The following RTN4 variants were observed in gnomAD, a reference collection of about 807,000 sequenced individuals.
RTN4 encodes reticulon-4.
In RTN4, 32 loss-of-function variants were observed where a neutral mutation model predicts 90.4. The ratio of observed to expected loss-of-function variants is 0.35; its 90% confidence interval spans 0.27 to 0.48. RTN4 has a LOEUF of 0.48. Among genes scored for constraint, RTN4 ranks in the 20% least tolerant of loss-of-function variants. The pLI is 0.99. For missense variants in RTN4, 1,706 were observed against 1,430.2 expected (o/e 1.19, Z -3.11); for synonymous variants, 629 against 552.5 (o/e 1.14, Z -1.94).
At chr2:55,135,206 TG>T in the RTN4 span, among the ~76,000 whole-genome samples, 48 of 110,132 alleles carry the variant, frequency 4.4e-4, no homozygotes, top group East Asian at 1.6e-3. Flanking sequence ...TTTGTTTTTT[TG>T]GTTTTTTTTT....
At chr2:55,131,606 G>A in the RTN4 span, among the ~76,000 whole-genome samples, 1 of 152,192 alleles carries the variant, frequency 6.6e-6, no homozygotes, top group Non-Finnish European at 1.5e-5. Context: ...AACATTGGCA[G>A]GGCACGGTGG....
At chr2:55,039,991 T>A (rs963464831) in intron 1 of RTN4, among the ~76,000 whole-genome samples, 1 of 152,164 alleles carries the variant, frequency 6.6e-6, no homozygotes, top group Non-Finnish European at 1.5e-5. Context: ...GTAAGTTTGG[T>A]TGATGAGAGA....
chr2:54,982,634 C>T lies in RTN4; in HGVS notation c.3241G>A (p.Val1081Ile), dbSNP rs1281133508. 1.2e-6 allele frequency: 2 copies of T among 1,609,124 alleles called. No individual in the cohort carries two copies. The highest frequency in any genetic ancestry group is 8.5e-7 in the Non-Finnish European group (1 of 1,177,938). ...HPFRAYLESE[V>I]AISEELVQKY... ...TGAACCAACTCCTCAGATATAGCAA[C>T]TTCAGATTCCAGATATGCCCTAGAA... is the stretch of plus-strand genomic sequence containing the variant. The change falls in exon 5 of 9, where the codon GTT becomes ATT. Residue 1081 changes from valine (V) to isoleucine (I), a missense_variant. Val to Ile is a conservative substitution (Grantham distance 29, BLOSUM62 3). Coordinates refer to ENST00000337526, the MANE Select transcript of RTN4 (RefSeq NM_020532.5).
At chr2:55,070,878 G>A (rs1438901768) in intron 2 of RTN4, among the ~76,000 whole-genome samples, 1 of 151,762 alleles carries the variant, frequency 6.6e-6, no homozygotes, top group Admixed American at 6.6e-5. Context: ...CCGGGTTCAC[G>A]CCATTCTCCT....
chr2:55,080,654 G>C (rs919205926), intron 1 of RTN4: 2 of 152,084 alleles, frequency 1.3e-5, no homozygotes, highest in Non-Finnish European at 2.9e-5. Context: ...TGAAAGAAAA[G>C]GGTAGGAAAA....
rs547056751 is a variant in RTN4, at chr2:55,016,505, C to G, written c.3013+8581G>C. On this transcript the variant is annotated intron_variant, in intron 3 of 8. Transcript: ENST00000337526. ...GGCTGAGGCACGAGAATCGCTTGAA[C>G]CCAGGAGGCAGAGGTTGCAGTGAGT... Among the ~76,000 whole-genome samples the G allele has an allele frequency of 3.3e-4, 51 of 152,246 alleles. 1 individual carries two copies. Among genetic ancestry groups the G allele is most frequent in the Admixed American group, 2.9e-3 (45 of 15,296 alleles).
Position 55,026,710 on chromosome 2 carries a change from T to C in RTN4, c.1389A>G (p.Thr463=), listed in dbSNP as rs1452331388. ...TTGCTGCTGGGTTAAAGGGAGCACA[T>C]GTGATATATGCTCCTGAACGATCCT... ...GIKDRSGAYI[T]CAPFNPAATE... is the part of the protein sequence containing the mutation. The change falls in exon 3 of 9, where the codon ACA becomes ACG. Residue 463 remains threonine (T), a synonymous_variant. Transcript: ENST00000337526. The C allele has an allele frequency of 6.2e-7, 1 of 1,613,862 alleles. No homozygotes were observed. Among genetic ancestry groups the C allele is most frequent in the Non-Finnish European group, 8.5e-7 (1 of 1,179,902 alleles).
rs539587751 is a variant in RTN4 at position 55,025,408 on chromosome 2, T to C, written c.2691A>G (p.Lys897=). 6.2e-7 allele frequency: 1 copy of C among 1,613,908 alleles called. No individual in the cohort carries two copies. Among genetic ancestry groups the C allele is most frequent in the Admixed American group, 1.7e-5 (1 of 59,956 alleles). The change falls in exon 3 of 9, where the codon AAA becomes AAG. Residue 897 remains lysine, a synonymous_variant. Coordinates refer to ENST00000337526, the MANE Select transcript of RTN4 (RefSeq NM_020532.5). ...REYTDLEVSH[K]SEIANAPDGA... is the part of the protein sequence containing the mutation. ...CATCCGGGGCATTAGCAATTTCACTTTTGTGGGATACTTCTAGGTCAGTAT... is the reference window on the plus strand; with the variant it reads ...CATCCGGGGCATTAGCAATTTCACTCTTGTGGGATACTTCTAGGTCAGTAT...
rs112785682 is a variant in RTN4, at chr2:54,972,363, A to C, written c.*793T>G. ...CAAACAACATTTTTGGAAGCATTAGATTCAGTCCATAGATTCTGTGACAAA... is the reference window on the plus strand; with the variant it reads ...CAAACAACATTTTTGGAAGCATTAGCTTCAGTCCATAGATTCTGTGACAAA... On this transcript the variant is annotated 3_prime_UTR_variant, in exon 9 of 9. Transcript: ENST00000337526. 1.3e-5 allele frequency: 2 copies of C among 152,686 alleles called. No homozygotes were observed. The highest frequency in any genetic ancestry group is 3.8e-4 in the East Asian group (2 of 5,208). The allele number at this position is 152,686 out of a possible 1,614,324, so 9.5% of individuals were successfully genotyped here. A position where few individuals can be genotyped will look rare whatever the true frequency, so the allele number is the denominator to read the frequency against.
intron 1 of RTN4, among the ~76,000 whole-genome samples, chr2:55,110,238 G>A (rs1443663271): frequency 6.6e-6 from 1 of 151,526 alleles, no homozygotes; most frequent in Non-Finnish European, 1.5e-5. Context: ...TTGAGCCTGG[G>A]AGGCAGAGGT....
the RTN4 span, among the ~76,000 whole-genome samples, chr2:55,128,223 T>C: frequency 1.6e-4 from 25 of 152,238 alleles, no homozygotes; most frequent in South Asian, 5.0e-3. Flanking sequence ...GTTACACTTA[T>C]CTGCATTGTT....
intron 2 of RTN4, among the ~76,000 whole-genome samples, chr2:55,071,498 A>C (rs980380713): frequency 6.7e-6 from 1 of 149,778 alleles, no homozygotes; most frequent in African/African-American, 2.5e-5. Context: ...ACTTCTAACT[A>C]CATAGAATTT....
In RTN4 at chr2:55,041,242, T is replaced by C. The variant is rs147386367; in HGVS notation, c.556+8503A>G. Among the ~76,000 whole-genome samples, 593 of 152,248 alleles carry C rather than the reference T, an allele frequency of 3.9e-3. 2 individuals carry two copies. The highest frequency in any genetic ancestry group is 0.013 in the African/African-American group (543 of 41,564). On this transcript the variant is annotated intron_variant, in intron 1 of 8. Coordinates refer to ENST00000337526, the MANE Select transcript of RTN4 (RefSeq NM_020532.5). ...GTCTCTAGTTCACCTAATTATATGCTAAATTTTTTTTAAATACATGTTAAT... is the reference window on the plus strand; with the variant it reads ...GTCTCTAGTTCACCTAATTATATGCCAAATTTTTTTTAAATACATGTTAAT...
chr2:55,007,526 T>C (rs1680317243), intron 3 of RTN4, among the ~76,000 whole-genome samples: 2 of 152,044 alleles, frequency 1.3e-5, no homozygotes, highest in African/African-American at 2.4e-5. Context: ...AGCACGCAAA[T>C]GAGGAAATTA....
intron 5 of RTN4, 94 bp downstream of exon 5, chr2:54,982,421 C>A: frequency 1.9e-6 from 2 of 1,038,778 alleles, no homozygotes; most frequent in Non-Finnish European, 2.8e-6. Context: ...TAATATTTAT[C>A]ATTTACTTGA....
At chr2:55,116,089 G>GTTTTTT (rs1558886323), upstream of RTN4, among the ~76,000 whole-genome samples, 2 of 81,276 alleles carry the variant, frequency 2.5e-5, no homozygotes, top group Non-Finnish European at 5.0e-5. Flanking sequence ...ATGGGGACTA[G>GTTTTTT]TCTTTTTTTT....
At chr2:55,070,562 A>G (rs1237149292) in intron 2 of RTN4, among the ~76,000 whole-genome samples, 3 of 151,106 alleles carry the variant, frequency 2.0e-5, no homozygotes, top group African/African-American at 7.3e-5. Context: ...AAAAAAAAAA[A>G]AAAAGAAAGA....
chr2:55,102,618 C>T (rs1401753164), intron 1 of RTN4, among the ~76,000 whole-genome samples: 1 of 151,994 alleles, frequency 6.6e-6, no homozygotes, highest in East Asian at 1.9e-4. Context: ...TGACACATGG[C>T]CAACTGCCAG....
intron 3 of RTN4, among the ~76,000 whole-genome samples, chr2:55,011,163 G>T (rs1680600265): frequency 6.6e-6 from 1 of 152,010 alleles, no homozygotes; most frequent in African/African-American, 2.4e-5. Flanking sequence ...GTCACCACAG[G>T]CATGTGCCAC....
Sources: gnomAD v4.1 joint callset for allele counts (sites outside exome capture counted in the v4.1 genomes callset) on GRCh38, gnomAD v4.1.1 for gene constraint, MANE v1.5 for transcripts, NCBI Gene and HGNC (gene_info 2026-07-23, HGNC 2026-07-21) for gene names.